ULK4: variants seen among roughly 807,000 people sequenced by gnomAD.
The protein encoded by ULK4 is unc-51 like kinase 4.
Under a neutral mutation model 160.6 loss-of-function variants are expected in ULK4, and 133 were observed. That is an observed-to-expected ratio of 0.83 (90% CI 0.72 to 0.96). The LOEUF (loss-of-function observed/expected upper bound fraction) is 0.96. Ranked by LOEUF, ULK4 falls within the 40% of genes least tolerant of loss-of-function variation. The probability of loss-of-function intolerance (pLI) is 0.00; values close to 1 mark genes in which losing one functional copy is unlikely to be tolerated. For synonymous variants in ULK4, 534 were observed against 539.8 expected (o/e 0.99, Z 0.15); for missense variants, 1,580 against 1,499.5 (o/e 1.05, Z -0.89).
intron 22 of ULK4, among the ~76,000 whole-genome samples, chr3:41,748,487 C>A (rs1047654920): frequency 1.3e-5 from 2 of 152,134 alleles, no homozygotes; most frequent in African/African-American, 4.8e-5. Context: ...TTAAATATCT[C>A]TTCCCTGGGG....
chr3:41,956,179 T>C (rs1700477415), intron 1 of ULK4, among the ~76,000 whole-genome samples: 1 of 152,196 alleles, frequency 6.6e-6, no homozygotes, highest in Non-Finnish European at 1.5e-5. Flanking sequence ...AACTTCACCT[T>C]AGCATCTGAC....
chr3:41,593,639 GCA>G (rs1339503243), intron 31 of ULK4, among the ~76,000 whole-genome samples: 1 of 152,110 alleles, frequency 6.6e-6, no homozygotes, highest in African/African-American at 2.4e-5. Context: ...ATATCTCTGG[GCA>G]CAGAGTCATA....
intron 32 of ULK4, among the ~76,000 whole-genome samples, chr3:41,514,132 G>A (rs2125926138): frequency 6.6e-6 from 1 of 152,114 alleles, no homozygotes; most frequent in East Asian, 1.9e-4. Context: ...TAAAAAAATT[G>A]AAAAGGAAAC....
chr3:41,874,664 G>A (rs1268650239), intron 17 of ULK4, among the ~76,000 whole-genome samples: 1 of 152,170 alleles, frequency 6.6e-6, no homozygotes, highest in African/African-American at 2.4e-5. Context: ...CTATGAGTAT[G>A]CAAAGGTATA....
intron 17 of ULK4, among the ~76,000 whole-genome samples, chr3:41,851,024 A>C (rs2125673456): frequency 6.6e-6 from 1 of 152,342 alleles, no homozygotes; most frequent in East Asian, 1.9e-4. Context: ...ATCTGTAAAC[A>C]GGGACAATTT....
At chr3:41,526,160 A>C (rs1054111340) in intron 32 of ULK4, among the ~76,000 whole-genome samples, 1 of 150,694 alleles carries the variant, frequency 6.6e-6, no homozygotes, top group Non-Finnish European at 1.5e-5. Context: ...GTGTGTTTGC[A>C]TCTCTTACAG....
At chr3:41,935,209 A>ATTTATTTTTTTTTTTTTTTT (rs1559660879) in intron 4 of ULK4, among the ~76,000 whole-genome samples, 5 of 135,544 alleles carry the variant, frequency 3.7e-5, no homozygotes, top group African/African-American at 9.8e-5. Context: ...TTATTTATTT[A>ATTTATTTTTTTTTTTTTTTT]TTTTTTTTTT....
rs535123211 is a variant in ULK4 at position 41,294,077 on chromosome 3, T to C, written c.3679-44503A>G. Among the ~76,000 whole-genome samples, 4 of 152,354 alleles carry C rather than the reference T, an allele frequency of 2.6e-5. No individual in the cohort carries two copies. In the South Asian group the frequency reaches 8.3e-4, roughly 32 times the overall value. ...AGATGAGTGGAGAGATGTTACAGTC[T>C]GAGTGTGTCCCCCAAAATACGTGTT... is the stretch of plus-strand genomic sequence containing the variant. On this transcript the variant is annotated intron_variant, in intron 35 of 36. Coordinates refer to ENST00000301831, the MANE Select transcript of ULK4 (RefSeq NM_017886.4).
chr3:41,944,158 T>A (rs890216043), intron 2 of ULK4, among the ~76,000 whole-genome samples: 8 of 152,180 alleles, frequency 5.3e-5, no homozygotes, highest in African/African-American at 1.9e-4. Flanking sequence ...ACATGATAAC[T>A]AAAGTGACAG....
intron 29 of ULK4, among the ~76,000 whole-genome samples, chr3:41,678,799 A>G (rs2035823121): frequency 6.6e-6 from 1 of 152,220 alleles, no homozygotes; most frequent in African/African-American, 2.4e-5. Flanking sequence ...AAACTTTAAC[A>G]AAATAAAAAG....
chr3:41,548,046 G>A (rs2086925099), intron 32 of ULK4, among the ~76,000 whole-genome samples: 1 of 152,120 alleles, frequency 6.6e-6, no homozygotes, highest in African/African-American at 2.4e-5. Flanking sequence ...TGGGCCTAGG[G>A]ACCAGCCCTT....
intron 31 of ULK4, among the ~76,000 whole-genome samples, chr3:41,596,278 T>C (rs1334633500): frequency 1.3e-5 from 2 of 152,198 alleles, no homozygotes; most frequent in Non-Finnish European, 2.9e-5. Context: ...CCAGCTGAGA[T>C]ATAGTCAGGT....
rs754890627 is a variant in ULK4, at chr3:41,246,940, C to G, written c.3817G>C (p.Val1273Leu). The change falls in exon 37 of 37, where the codon GTT becomes CTT. Residue 1273 changes from valine to leucine, a missense_variant. Physicochemically the swap from Val to Leu is conservative, Grantham distance 32. Transcript: ENST00000301831. ...APLALEILQA[V>L]GH ...AAGCACCTTCTTGCCTAGTGCCCAACGGCTTGGAGGATTTCCAGGGCCAAG... is the reference window on the plus strand; with the variant it reads ...AAGCACCTTCTTGCCTAGTGCCCAAGGGCTTGGAGGATTTCCAGGGCCAAG... 1 of 1,613,680 alleles carries G rather than the reference C, an allele frequency of 6.2e-7. No individual in the cohort carries two copies. The highest frequency in any genetic ancestry group is 8.5e-7 in the Non-Finnish European group (1 of 1,179,868).
chr3:41,397,336 G>C (rs777608544), intron 35 of ULK4, among the ~76,000 whole-genome samples: 1 of 152,146 alleles, frequency 6.6e-6, no homozygotes, highest in East Asian at 1.9e-4. Context: ...AGTTATAAAT[G>C]TTGGGGATGA....
Position 41,626,897 on chromosome 3 carries a change from A to G in ULK4, c.3072-11180T>C, listed in dbSNP as rs138750686. On this transcript the variant is annotated intron_variant, in intron 30 of 36. Coordinates refer to ENST00000301831, the MANE Select transcript of ULK4 (RefSeq NM_017886.4). ...AATATGGTGGCCTTGGTCTTTCTCT[A>G]TTTTCTGGCACAGCTGTATTTCATG... Among the ~76,000 whole-genome samples the G allele has an allele frequency of 1.4e-3, 214 of 152,172 alleles. 1 individual carries two copies. The highest frequency in any genetic ancestry group is 4.8e-3 in the East Asian group (25 of 5,170).
intron 21 of ULK4, among the ~76,000 whole-genome samples, chr3:41,786,049 A>G (rs1256369934): frequency 6.6e-6 from 1 of 152,130 alleles, no homozygotes; most frequent in East Asian, 1.9e-4. Context: ...ACTGTTCTCC[A>G]ACCTAACCTA....
In ULK4 at chr3:41,799,133, A is replaced by G. The variant is rs2040385391; in HGVS notation, c.2010+999T>C. ...CATAAGGAAAGAACACAAAGTAAGA[A>G]ACTGCCACAGAGAGAAGTGCAAGAG... On this transcript the variant is annotated intron_variant, in intron 20 of 36. Coordinates refer to ENST00000301831, the MANE Select transcript of ULK4 (RefSeq NM_017886.4). 2.0e-5 allele frequency among the ~76,000 whole-genome samples: 3 copies of G among 152,174 alleles called. No homozygotes were observed. In the South Asian group the frequency reaches 6.2e-4, roughly 31 times the overall value.
At chr3:41,676,728 T>C (rs1189429652) in intron 29 of ULK4, among the ~76,000 whole-genome samples, 1 of 152,110 alleles carries the variant, frequency 6.6e-6, no homozygotes, top group African/African-American at 2.4e-5. Context: ...ACATTTAGTA[T>C]CAGGTAAGTA....
At chr3:41,722,729 C>T (rs1219842554) in intron 22 of ULK4, among the ~76,000 whole-genome samples, 1 of 152,144 alleles carries the variant, frequency 6.6e-6, no homozygotes, top group African/African-American at 2.4e-5. Context: ...TTGTTCTACT[C>T]CTTTTGATAT....
Sources: gnomAD v4.1 joint callset for allele counts (sites outside exome capture counted in the v4.1 genomes callset) on GRCh38, gnomAD v4.1.1 for gene constraint, MANE v1.5 for transcripts, NCBI Gene and HGNC (gene_info 2026-07-23, HGNC 2026-07-21) for gene names.